The following PRDM2 variants were observed in gnomAD, a reference collection of about 807,000 sequenced individuals.
The protein encoded by PRDM2 is PR/SET domain 2.
In PRDM2, 30 loss-of-function variants were observed where a neutral mutation model predicts 130.0. The observed-to-expected ratio is 0.23, with a 90% confidence interval of 0.17 to 0.31. The LOEUF is 0.31. Ranked by LOEUF, PRDM2 falls within the 10% of genes least tolerant of loss-of-function variation. The pLI, the probability that PRDM2 is intolerant of heterozygous loss-of-function variation, is 1.00. For synonymous variants in PRDM2, 871 were observed against 782.4 expected (o/e 1.11, Z -1.89); for missense variants, 2,011 against 2,108.4 (o/e 0.95, Z 0.90).
intron 6 of PRDM2, among the ~76,000 whole-genome samples, chr1:13,755,485 T>A (rs948577913): frequency 1.3e-5 from 2 of 152,240 alleles, no homozygotes; most frequent in Non-Finnish European, 2.9e-5. Flanking sequence ...GATTAAATTT[T>A]CTAAACTATA....
At chr1:13,744,842 C>G (rs1048369653) in intron 5 of PRDM2, among the ~76,000 whole-genome samples, 3 of 152,138 alleles carry the variant, frequency 2.0e-5, no homozygotes, top group African/African-American at 7.2e-5. Context: ...TAGTGATTAT[C>G]TAACTCTATT....
chr1:13,757,657 A>G (rs922472808), intron 6 of PRDM2, among the ~76,000 whole-genome samples: 6 of 152,144 alleles, frequency 3.9e-5, no homozygotes, highest in African/African-American at 1.4e-4. Flanking sequence ...TGTAAGTGCA[A>G]TTCTGATTTG....
intron 6 of PRDM2, among the ~76,000 whole-genome samples, chr1:13,762,081 C>A (rs139150893): frequency 1.5e-3 from 222 of 152,344 alleles, no homozygotes; most frequent in African/African-American, 5.0e-3. Flanking sequence ...TTAGTAGCAT[C>A]TGTGGATACT....
rs148827418 is a variant in PRDM2 at position 13,707,433 on chromosome 1, A to G, written c.-66+7133A>G. On this transcript the variant is annotated intron_variant, in intron 1 of 9. Transcript: ENST00000311066. ...TGTTTTGGGAATTGTGAAATGAGCT[A>G]TCATATGGCATCTTGCTTTAGAAAT... Among the ~76,000 whole-genome samples, 726 of 152,380 alleles carry G rather than the reference A, an allele frequency of 4.8e-3. 8 individuals carry two copies. Among genetic ancestry groups the G allele is most frequent in the African/African-American group, 0.016 (684 of 41,590 alleles).
chr1:13,814,240 C>T (rs1240787431), intron 8 of PRDM2, among the ~76,000 whole-genome samples: 1 of 152,166 alleles, frequency 6.6e-6, no homozygotes, highest in Non-Finnish European at 1.5e-5. Flanking sequence ...GGTGGCCCGT[C>T]AGGAGCACAG....
At chr1:13,801,643 A>G (rs1276153715) in intron 8 of PRDM2, among the ~76,000 whole-genome samples, 1 of 152,246 alleles carries the variant, frequency 6.6e-6, no homozygotes, top group East Asian at 1.9e-4. Flanking sequence ...TGGGAAGATT[A>G]AATTCATTAT....
At chr1:13,812,435 TGAATA>T (rs1465741797) in intron 8 of PRDM2, among the ~76,000 whole-genome samples, 2 of 152,068 alleles carry the variant, frequency 1.3e-5, no homozygotes, top group African/African-American at 2.4e-5. Context: ...AGCAGCAAAA[TGAATA>T]GAAGAGGAAG....
In PRDM2 at chr1:13,823,365, A is replaced by G. The variant is rs879027175; in HGVS notation, c.*230A>G. On this transcript the variant is annotated 3_prime_UTR_variant, in exon 10 of 10. Transcript: ENST00000311066. ...GGGTCCCGATCCCCGGGGCGGCAGG[A>G]AGGGGGCCGACTCCACGCTGTCCTT... The G allele has an allele frequency of 5.3e-5, 36 of 673,584 alleles. No individual in the cohort carries two copies. The African/African-American group carries it at 6.3e-4, about 12-fold the overall frequency. 41.7% of individuals were successfully genotyped at this position (673,584 alleles called of 1,614,324 possible). A position where few individuals can be genotyped will look rare whatever the true frequency, so the allele number is the denominator to read the frequency against.
intron 8 of PRDM2, among the ~76,000 whole-genome samples, chr1:13,808,277 G>T (rs1645115894): frequency 6.6e-6 from 1 of 152,064 alleles, no homozygotes; most frequent in African/African-American, 2.4e-5. Context: ...GGATCACGAG[G>T]TCAGGAGATC....
chr1:13,765,855 A>G (rs554289634), intron 6 of PRDM2, among the ~76,000 whole-genome samples: 2 of 152,276 alleles, frequency 1.3e-5, no homozygotes, highest in South Asian at 4.1e-4. Flanking sequence ...TGTAATTTTT[A>G]AAAATTTTAT....
chr1:13,713,068 C>T (rs1642421375), intron 1 of PRDM2, among the ~76,000 whole-genome samples: 1 of 152,146 alleles, frequency 6.6e-6, no homozygotes, highest in African/African-American at 2.4e-5. Context: ...GAAGCTCGTC[C>T]CTTTCCTGGC....
intron 6 of PRDM2, chr1:13,772,269 C>T (rs1044809748): frequency 2.0e-5 from 3 of 152,220 alleles, no homozygotes; most frequent in African/African-American, 7.2e-5. Context: ...CCTAAAGAAA[C>T]TGGGCTTCTG....
At chr1:13,821,912 C>A (rs61775135) in intron 9 of PRDM2, among the ~76,000 whole-genome samples, 17,350 of 152,194 alleles carry the variant, frequency 0.11, 1,300 homozygotes, top group Non-Finnish European at 0.16. Flanking sequence ...TGAGCCTGAC[C>A]TGGGTTCAAG....
chr1:13,778,389 C>G, intron 7 of PRDM2, 29 bp from the exon 8 acceptor site: 1 of 1,551,016 alleles, frequency 6.4e-7, no homozygotes, highest in Non-Finnish European at 8.7e-7. Context: ...TGCTTCACTT[C>G]CATGCTTCTG....
chr1:13,710,958 G>A (rs554943475), intron 1 of PRDM2, among the ~76,000 whole-genome samples: 126 of 152,112 alleles, frequency 8.3e-4, no homozygotes, highest in African/African-American at 2.9e-3. Context: ...GTTGACGGGC[G>A]CCTGTAGTCC....
At chr1:13,746,009 T>C (rs80314414) in intron 5 of PRDM2, among the ~76,000 whole-genome samples, 1 of 152,224 alleles carries the variant, frequency 6.6e-6, no homozygotes, top group Non-Finnish European at 1.5e-5. Context: ...CACATTTTTC[T>C]AATATTCCTT....
intron 1 of PRDM2, among the ~76,000 whole-genome samples, chr1:13,710,426 A>G (rs547260242): frequency 6.6e-6 from 1 of 152,258 alleles, no homozygotes; most frequent in Non-Finnish European, 1.5e-5. Context: ...TTAATCATCA[A>G]ATCATCTTTA....
intron 1 of PRDM2, among the ~76,000 whole-genome samples, chr1:13,707,011 A>G (rs1203430739): frequency 2.0e-5 from 3 of 152,108 alleles, no homozygotes; most frequent in African/African-American, 4.8e-5. Flanking sequence ...GAGAAGACCT[A>G]TAGAATCTTG....
At chr1:13,785,834 C>CTTTTTT (rs537560305) in intron 8 of PRDM2, among the ~76,000 whole-genome samples, 6 of 115,080 alleles carry the variant, frequency 5.2e-5, no homozygotes, top group South Asian at 3.0e-4. Context: ...TTTTTGGGTT[C>CTTTTTT]TTTTTTTTTT....
Sources: gnomAD v4.1 joint callset for allele counts (sites outside exome capture counted in the v4.1 genomes callset) on GRCh38, gnomAD v4.1.1 for gene constraint, MANE v1.5 for transcripts, NCBI Gene and HGNC (gene_info 2026-07-23, HGNC 2026-07-21) for gene names.